Variants in GALNT10 observed in about 807,000 individuals in gnomAD.
The protein encoded by GALNT10 is polypeptide N-acetylgalactosaminyltransferase 10, also known as GalNAc transferase 10.
In GALNT10, 41 loss-of-function variants were observed where a neutral mutation model predicts 75.0. The ratio of observed to expected loss-of-function variants is 0.55; its 90% confidence interval spans 0.43 to 0.71. The LOEUF (loss-of-function observed/expected upper bound fraction) is 0.71. Among genes scored for constraint, GALNT10 ranks in the 30% least tolerant of loss-of-function variants. GALNT10 has a pLI of 0.00. For synonymous variants in GALNT10, 302 were observed against 313.0 expected (o/e 0.96, Z 0.37); for missense variants, 727 against 818.5 (o/e 0.89, Z 1.36).
At chr5:154,395,289 G>A (rs969981633) in intron 7 of GALNT10, among the ~76,000 whole-genome samples, 5 of 152,232 alleles carry the variant, frequency 3.3e-5, no homozygotes, top group African/African-American at 9.6e-5. Flanking sequence ...GAACAGCACA[G>A]TATTACACAG....
chr5:154,232,970 A>G (rs1051388963), intron 1 of GALNT10, among the ~76,000 whole-genome samples: 36 of 152,204 alleles, frequency 2.4e-4, no homozygotes, highest in African/African-American at 8.4e-4. Context: ...CTGTAGAGTC[A>G]GTTAGCCCCA....
intron 1 of GALNT10, among the ~76,000 whole-genome samples, chr5:154,269,367 TA>T (rs1753827358): frequency 6.6e-6 from 1 of 152,214 alleles, no homozygotes; most frequent in South Asian, 2.1e-4. Flanking sequence ...TGTGAATACT[TA>T]ATTTTTAAAA....
At chr5:154,392,282 A>G (rs1330840745) in intron 7 of GALNT10, 1 of 152,168 alleles carries the variant, frequency 6.6e-6, no homozygotes, top group Non-Finnish European at 1.5e-5. Flanking sequence ...CCATCTCTGC[A>G]TGCTCCCTGG....
intron 4 of GALNT10, among the ~76,000 whole-genome samples, chr5:154,338,752 T>G (rs1754984157): frequency 6.6e-6 from 1 of 152,230 alleles, no homozygotes; most frequent in South Asian, 2.1e-4. Flanking sequence ...ACTACCCATC[T>G]CTTCTTCTTT....
At position 154,281,776 on chromosome 5, in the gene GALNT10, C is replaced by A. The variant is rs150604084; in HGVS notation, c.160-13040C>A. 1.2e-4 allele frequency among the ~76,000 whole-genome samples: 19 copies of A among 152,284 alleles called. No homozygotes were observed. In the East Asian group the frequency reaches 3.5e-3, roughly 28 times the overall value. ...AAGTCTGAAGGTTTGAAGTCCAGGA[C>A]TAGTATCATAGTTCTGCCCCCTGAA... is the stretch of plus-strand genomic sequence containing the variant. On this transcript the variant is annotated intron_variant, in intron 1 of 11. Coordinates refer to ENST00000297107, the MANE Select transcript of GALNT10 (RefSeq NM_198321.4).
At chr5:154,261,267 GA>G (rs34565845) in intron 1 of GALNT10, among the ~76,000 whole-genome samples, 6 of 150,874 alleles carry the variant, frequency 4.0e-5, no homozygotes, top group South Asian at 4.2e-4. Flanking sequence ...TAAGCTAAAA[GA>G]AAAAAAAACA....
intron 1 of GALNT10, among the ~76,000 whole-genome samples, chr5:154,244,984 T>C (rs1204153098): frequency 2.0e-5 from 3 of 152,190 alleles, no homozygotes; most frequent in Non-Finnish European, 2.9e-5. Flanking sequence ...ACCAGGGGCC[T>C]GTGGGTTCTT....
chr5:154,229,262 C>T (rs931201664), intron 1 of GALNT10, among the ~76,000 whole-genome samples: 1 of 152,192 alleles, frequency 6.6e-6, no homozygotes, highest in African/African-American at 2.4e-5. Flanking sequence ...TCATCTGTGC[C>T]AAATGAGTTG....
chr5:154,199,786 AG>A (rs1214510066), intron 1 of GALNT10, among the ~76,000 whole-genome samples: 1 of 152,106 alleles, frequency 6.6e-6, no homozygotes, highest in East Asian at 1.9e-4. Flanking sequence ...GAGAGTGTGG[AG>A]TTGGGAACCA....
At chr5:154,288,408 TTG>T (rs10534031) in intron 1 of GALNT10, among the ~76,000 whole-genome samples, 41,992 of 122,232 alleles carry the variant, frequency 0.34, 6,286 homozygotes, top group East Asian at 0.56. Flanking sequence ...AAAATTCCAT[TTG>T]TGTGTGTGTG....
At chr5:154,276,128 C>G (rs1204155440) in intron 1 of GALNT10, among the ~76,000 whole-genome samples, 1 of 152,180 alleles carries the variant, frequency 6.6e-6, no homozygotes, top group Non-Finnish European at 1.5e-5. Context: ...ACTAAGCTGA[C>G]TAAACAGGAG....
intron 1 of GALNT10, among the ~76,000 whole-genome samples, chr5:154,227,534 C>T (rs979455991): frequency 3.3e-5 from 5 of 152,030 alleles, no homozygotes; most frequent in Admixed American, 6.6e-5. Context: ...TTTTGAGAGT[C>T]CTTTATATTC....
intron 1 of GALNT10, among the ~76,000 whole-genome samples, chr5:154,276,922 A>T (rs1422784): frequency 0.65 from 99,358 of 151,996 alleles, 32,847 homozygotes; most frequent in East Asian, 0.86. Context: ...AGGACAAGAT[A>T]CAAACAGTTC....
At chr5:154,257,329 A>G (rs1454645068) in intron 1 of GALNT10, among the ~76,000 whole-genome samples, 1 of 152,094 alleles carries the variant, frequency 6.6e-6, no homozygotes, top group African/African-American at 2.4e-5. Context: ...TTGTGACTAT[A>G]CTTTCACCTG....
intron 9 of GALNT10, among the ~76,000 whole-genome samples, chr5:154,411,517 G>T (rs1256796429): frequency 6.6e-6 from 1 of 152,230 alleles, no homozygotes; most frequent in Non-Finnish European, 1.5e-5. Flanking sequence ...AGGAGCAGTA[G>T]CCCCATGGAA....
At chr5:154,274,496 A>G (rs1753919811) in intron 1 of GALNT10, among the ~76,000 whole-genome samples, 1 of 152,188 alleles carries the variant, frequency 6.6e-6, no homozygotes, top group Non-Finnish European at 1.5e-5. Flanking sequence ...CTATAGGTCT[A>G]AGTGCCTGGT....
In GALNT10 at chr5:154,190,986, T is replaced by C. The variant is rs1581911246; in HGVS notation, c.120T>C (p.Pro40=). 4 of 1,500,734 alleles carry C rather than the reference T, an allele frequency of 2.7e-6. No individual in the cohort carries two copies. The highest frequency in any genetic ancestry group is 1.7e-4 in the Middle Eastern group (1 of 5,778). The allele number at this position is 1,500,734 out of a possible 1,614,324, so 93.0% of individuals were successfully genotyped here. A position where few individuals can be genotyped will look rare whatever the true frequency, so the allele number is the denominator to read the frequency against. Residue 40 remains proline, a synonymous_variant, in exon 1 of 12, where the codon CCT becomes CCC. Transcript: ENST00000297107. ...GCGAGCGGCAGCCCGACGGCACCCC[T>C]GGGGGATCGGGGGCGGCGGTGGCGC... is the stretch of plus-strand genomic sequence containing the variant. ...LYRERQPDGT[P]GGSGAAVAPA...
chr5:154,273,864 A>C (rs1279005748), intron 1 of GALNT10, among the ~76,000 whole-genome samples: 2 of 152,224 alleles, frequency 1.3e-5, no homozygotes, highest in Non-Finnish European at 2.9e-5. Context: ...TCTTATTTGA[A>C]AGCCTAATTA....
At chr5:154,407,926 C>T (rs564793607) in intron 8 of GALNT10, among the ~76,000 whole-genome samples, 16 of 152,120 alleles carry the variant, frequency 1.1e-4, no homozygotes, top group South Asian at 2.1e-4. Flanking sequence ...GTCTTCAGTG[C>T]GGGGGCCTCC....
Sources: gnomAD v4.1 joint callset for allele counts (sites outside exome capture counted in the v4.1 genomes callset) on GRCh38, gnomAD v4.1.1 for gene constraint, MANE v1.5 for transcripts, NCBI Gene and HGNC (gene_info 2026-07-23, HGNC 2026-07-21) for gene names.